The following IL7 variants were observed in gnomAD, a reference collection of about 807,000 sequenced individuals.
IL7 encodes the protein interleukin 7.
Under a neutral mutation model 21.6 loss-of-function variants are expected in IL7, and 3 were observed. That is an observed-to-expected ratio of 0.14 (90% CI 0.06 to 0.36). IL7 has a LOEUF of 0.36. Among genes scored for constraint, IL7 ranks in the 10% least tolerant of loss-of-function variants. The pLI is 1.00. For synonymous variants in IL7, 62 were observed against 68.1 expected, an observed-to-expected ratio of 0.91 and a Z score of 0.44; for missense variants, 175 against 200.2, an observed-to-expected ratio of 0.87 and a Z score of 0.76.
At chr8:78,736,576 C>T in intron 4 of IL7, 49 bp from the exon 5 acceptor site, 1 of 1,216,012 alleles carries the variant, frequency 8.2e-7, no homozygotes, top group Non-Finnish European at 1.2e-6. Flanking sequence ...TTCATTGCTC[C>T]TCCAGTTGTT....
intron 2 of IL7, chr8:78,761,833 T>C: frequency 6.2e-7 from 1 of 1,612,050 alleles, no homozygotes; most frequent in Non-Finnish European, 8.5e-7. Context: ...GAAAGTTATC[T>C]GGAGTAAAGA....
intron 2 of IL7, among the ~76,000 whole-genome samples, chr8:78,753,834 C>A (rs1812258079): frequency 6.6e-6 from 1 of 152,128 alleles, no homozygotes; most frequent in African/African-American, 2.4e-5. Flanking sequence ...AATAGGGAAA[C>A]CTTTCCCCAT....
chr8:78,705,443 C>T (rs1810741600), intron 3 of IL7, among the ~76,000 whole-genome samples: 2 of 152,256 alleles, frequency 1.3e-5, no homozygotes, highest in African/African-American at 4.8e-5. Flanking sequence ...GTGGCCTGCC[C>T]CTCCTCCTGG....
chr8:78,679,712 G>A (rs894817251), intron 4 of IL7, among the ~76,000 whole-genome samples: 2 of 152,112 alleles, frequency 1.3e-5, no homozygotes, highest in Admixed American at 6.5e-5. Flanking sequence ...GAATCCTACT[G>A]TTAATGGTAA....
chr8:78,760,602 G>T (rs1161862921), intron 2 of IL7: 11 of 1,564,622 alleles, frequency 7.0e-6, no homozygotes, highest in African/African-American at 1.4e-5. Flanking sequence ...ATGACTGAGG[G>T]TACCAGAGAT....
At chr8:78,700,161 G>C (rs1249858582) in intron 3 of IL7, among the ~76,000 whole-genome samples, 2 of 152,064 alleles carry the variant, frequency 1.3e-5, no homozygotes, top group African/African-American at 4.8e-5. Context: ...CAGCCATTCT[G>C]ACTAGTGTGA....
chr8:78,716,571 G>A (rs1035530012), downstream of IL7, among the ~76,000 whole-genome samples: 2 of 152,098 alleles, frequency 1.3e-5, no homozygotes, highest in African/African-American at 4.8e-5. Context: ...TTGTGACCAA[G>A]GAGAGAGACT....
At chr8:78,791,482 A>G (rs2130830221) in intron 2 of IL7, among the ~76,000 whole-genome samples, 1 of 152,220 alleles carries the variant, frequency 6.6e-6, no homozygotes, top group South Asian at 2.1e-4. Flanking sequence ...TCTACTAAAA[A>G]TACAAAAATT....
intron 2 of IL7, among the ~76,000 whole-genome samples, chr8:78,791,501 G>C (rs1248657308): frequency 1.3e-5 from 2 of 152,074 alleles, no homozygotes; most frequent in African/African-American, 4.8e-5. Context: ...TTAGCTGGGT[G>C]TGGTGGCACA....
chr8:78,753,474 A>G (rs1812243920), intron 2 of IL7, among the ~76,000 whole-genome samples: 1 of 152,092 alleles, frequency 6.6e-6, no homozygotes, highest in Non-Finnish European at 1.5e-5. Flanking sequence ...TCTGGATATT[A>G]GGTCTTTGTC....
rs149234740 is a variant in IL7, at chr8:78,764,256, T to G, written c.148-24174A>C. Among the ~76,000 whole-genome samples the G allele has an allele frequency of 8.8e-3, 1,339 of 151,998 alleles. 15 individuals carry two copies. Among genetic ancestry groups the G allele is most frequent in the African/African-American group, 0.03 (1,263 of 41,516 alleles). On this transcript the variant is annotated intron_variant, in intron 2 of 5. Transcript: ENST00000263851. ...AATATCATACTTAATAATAAGAAAT[T>G]TGTAGGTTTCCTGATAATAAAAAAA...
In IL7 at chr8:78,676,730, CTT is replaced by C. The variant is rs202238237; in HGVS notation, n.274-628_274-627del. On this transcript the variant is annotated intron_variant and non_coding_transcript_variant, in intron 4 of 4. Coordinates refer to the IL7 transcript ENST00000523959. ...TAAATAATGATGGCTTTTTTGTAAT[CTT>C]TTAAAAACATCTTGCCCACACATTC... Among the ~76,000 whole-genome samples the C allele has an allele frequency of 9.5e-3, 1,447 of 151,856 alleles. 46 individuals are homozygous for C. Among genetic ancestry groups the C allele is most frequent in the Admixed American group, 0.064 (977 of 15,234 alleles).
intron 2 of IL7, among the ~76,000 whole-genome samples, chr8:78,745,195 A>G (rs1811938262): frequency 6.6e-6 from 1 of 152,204 alleles, no homozygotes; most frequent in African/African-American, 2.4e-5. Context: ...TAATTTCAGC[A>G]TAGTTTTCTT....
intron 2 of IL7, chr8:78,760,753 T>G (rs1379627708): frequency 1.9e-6 from 3 of 1,549,230 alleles, no homozygotes; most frequent in East Asian, 4.6e-5. Context: ...CCTGGTGAGC[T>G]CTGCGGAATT....
intron 2 of IL7, among the ~76,000 whole-genome samples, chr8:78,769,298 C>T (rs1426193558): frequency 1.3e-5 from 2 of 151,900 alleles, no homozygotes; most frequent in Non-Finnish European, 2.9e-5. Context: ...TTGTCTCAGC[C>T]CAAAATCTCC....
intron 2 of IL7, among the ~76,000 whole-genome samples, chr8:78,759,785 C>G (rs1812484403): frequency 1.3e-5 from 2 of 152,080 alleles, no homozygotes; most frequent in South Asian, 4.1e-4. Flanking sequence ...TTCCTTCCTC[C>G]CACACCTCTT....
At chr8:78,759,926 A>G (rs73687552) in intron 2 of IL7, among the ~76,000 whole-genome samples, 2,973 of 152,288 alleles carry the variant, frequency 0.02, 87 homozygotes, top group African/African-American at 0.068. Context: ...CGCAAAAGGA[A>G]ACATGGAACT....
intron 2 of IL7, among the ~76,000 whole-genome samples, chr8:78,753,421 T>A (rs756046923): frequency 2.6e-5 from 4 of 152,146 alleles, no homozygotes; most frequent in Non-Finnish European, 5.9e-5. Flanking sequence ...TTGATGGGTT[T>A]GTTTATTTTT....
At chr8:78,696,088 G>T (rs1194617356) in intron 3 of IL7, among the ~76,000 whole-genome samples, 1 of 151,864 alleles carries the variant, frequency 6.6e-6, no homozygotes, top group African/African-American at 2.4e-5. Context: ...AGGCTAGAGT[G>T]CAGTGGCGTG....
Sources: gnomAD v4.1 joint callset for allele counts (sites outside exome capture counted in the v4.1 genomes callset) on GRCh38, gnomAD v4.1.1 for gene constraint, MANE v1.5 for transcripts, NCBI Gene and HGNC (gene_info 2026-07-23, HGNC 2026-07-21) for gene names.